The following INSR variants were observed in gnomAD, a reference collection of about 807,000 sequenced individuals.
INSR encodes the protein insulin receptor, also known as IR.
Under a neutral mutation model 142.6 loss-of-function variants are expected in INSR, and 67 were observed. The ratio of observed to expected loss-of-function variants is 0.47; its 90% confidence interval spans 0.39 to 0.58. The LOEUF (loss-of-function observed/expected upper bound fraction) is 0.58. INSR is among the 20% of genes least tolerant of loss of function. The pLI is 0.00. For missense variants in INSR, 1,248 were observed against 1,833.2 expected (o/e 0.68, Z 5.83); for synonymous variants, 756 against 743.1 (o/e 1.02, Z -0.28).
At chr19:7,158,374 G>A (rs558954570) in intron 9 of INSR, among the ~76,000 whole-genome samples, 3 of 152,044 alleles carry the variant, frequency 2.0e-5, no homozygotes, top group Non-Finnish European at 2.9e-5. Flanking sequence ...GGTGGCGGGC[G>A]CCTGTAGTCC....
chr19:7,237,553 C>A (rs1005197252), intron 2 of INSR, among the ~76,000 whole-genome samples: 1 of 151,960 alleles, frequency 6.6e-6, no homozygotes, highest in South Asian at 2.1e-4. Context: ...TGGTGGCTCA[C>A]GCCTGTAATC....
intron 9 of INSR, among the ~76,000 whole-genome samples, chr19:7,160,628 AAAG>A (rs1202130961): frequency 5.9e-5 from 9 of 151,958 alleles, no homozygotes; most frequent in Admixed American, 4.6e-4. Flanking sequence ...CCATCTTAAA[AAAG>A]AAGAAGAAAA....
intron 1 of INSR, among the ~76,000 whole-genome samples, chr19:7,282,065 T>C (rs12462446): frequency 0.33 from 50,589 of 151,950 alleles, 9,525 homozygotes; most frequent in Non-Finnish European, 0.43. Context: ...AAAATATGTT[T>C]CTAAAACCCC....
At chr19:7,254,042 AAAAAG>A (rs1187267965) in intron 2 of INSR, among the ~76,000 whole-genome samples, 1 of 151,002 alleles carries the variant, frequency 6.6e-6, no homozygotes, top group Non-Finnish European at 1.5e-5. Context: ...AAAAAAAAGA[AAAAAG>A]AAAAGAAAAG....
chr19:7,239,487 T>A (rs1182888297), intron 2 of INSR, among the ~76,000 whole-genome samples: 1 of 152,146 alleles, frequency 6.6e-6, no homozygotes, highest in Non-Finnish European at 1.5e-5. Context: ...ACATATACCT[T>A]AATGCATCAC....
At chr19:7,183,440 C>T (rs563722201) in intron 3 of INSR, among the ~76,000 whole-genome samples, 2 of 152,128 alleles carry the variant, frequency 1.3e-5, no homozygotes, top group African/African-American at 4.8e-5. Flanking sequence ...CTGACTCTGT[C>T]GAAGAGAGAA....
chr19:7,268,742 G>T, intron 1 of INSR: 1 of 324,784 alleles, frequency 3.1e-6, no homozygotes, highest in Non-Finnish European at 4.4e-6. Flanking sequence ...GTTTGTTGTT[G>T]TTGTTCTTCT....
At chr19:7,244,829 TGCTGGCAGC>T (rs1253664756) in intron 2 of INSR, among the ~76,000 whole-genome samples, 1 of 152,074 alleles carries the variant, frequency 6.6e-6, no homozygotes, top group Non-Finnish European at 1.5e-5. Context: ...ATTAAAGGAG[TGCTGGCAGC>T]GAGCTGCACT....
chr19:7,198,053 G>C (rs2145035355), intron 2 of INSR, among the ~76,000 whole-genome samples: 1 of 151,744 alleles, frequency 6.6e-6, no homozygotes, highest in East Asian at 2.0e-4. Context: ...GTGTGTCTGC[G>C]TGTGTGCCCG....
chr19:7,169,082 C>G (rs1312984230), intron 6 of INSR, among the ~76,000 whole-genome samples: 2 of 152,222 alleles, frequency 1.3e-5, no homozygotes, highest in Admixed American at 1.3e-4. Flanking sequence ...GGACAGCCCC[C>G]ACCTATGACT....
chr19:7,250,522 A>C (rs1031738792), intron 2 of INSR, among the ~76,000 whole-genome samples: 10 of 139,454 alleles, frequency 7.2e-5, no homozygotes, highest in Non-Finnish European at 1.6e-5. Context: ...AAAGGGAGGA[A>C]GGGAGAGGGA....
chr19:7,222,334 CAGAT>C (rs148744764), intron 2 of INSR, among the ~76,000 whole-genome samples: 2,683 of 152,172 alleles, frequency 0.018, 75 homozygotes, highest in African/African-American at 0.06. Context: ...TTTCCTTACT[CAGAT>C]AGAGGTCTGA....
At position 7,225,678 on chromosome 19, in the gene INSR, G is replaced by A. The variant is rs527641553; in HGVS notation, c.653-41041C>T. On this transcript the variant is annotated intron_variant, in intron 2 of 21. Coordinates refer to ENST00000302850, the MANE Select transcript of INSR (RefSeq NM_000208.4). The surrounding 1 kb of genome is among the most constrained non-coding windows in gnomAD (Gnocchi z 4.7). The stretch of plus-strand genomic sequence containing the variant: ...CAAACCACAGAGCCACGAGGCTGAT[G>A]ATGGGCTCTTGGTTTCCATTTCCCC... Among the ~76,000 whole-genome samples, 1 of 145,816 alleles carries A rather than the reference G, an allele frequency of 6.9e-6. No individual in the cohort carries two copies. Among genetic ancestry groups the A allele is most frequent in the African/African-American group, 2.6e-5 (1 of 38,638 alleles).
intron 3 of INSR, among the ~76,000 whole-genome samples, chr19:7,179,241 T>C (rs911850845): frequency 1.3e-5 from 2 of 152,228 alleles, no homozygotes; most frequent in Admixed American, 6.5e-5. Flanking sequence ...GAGTTCCTTC[T>C]AGTAAATTAT....
intron 2 of INSR, among the ~76,000 whole-genome samples, chr19:7,210,460 A>G (rs1207900818): frequency 6.6e-6 from 1 of 152,054 alleles, no homozygotes; most frequent in Non-Finnish European, 1.5e-5. Flanking sequence ...CTAAGAGCTG[A>G]GAAAATATGG....
In INSR at chr19:7,115,200, G is replaced by A. The variant is rs928089423; in HGVS notation, c.*1856C>T. On this transcript the variant is annotated 3_prime_UTR_variant, in exon 22 of 22. Transcript: ENST00000302850. The stretch of plus-strand genomic sequence containing the variant: ...AAGAAAAGGAAGCAGTCAAAAAGTT[G>A]TAAGAAAATGCACTCAGGAATAACG... The A allele has an allele frequency of 7.2e-5, 11 of 152,252 alleles. No individual in the cohort carries two copies. Among genetic ancestry groups the A allele is most frequent in the African/African-American group, 2.7e-4 (11 of 41,470 alleles). 9.4% of individuals were successfully genotyped at this position (152,252 alleles called of 1,614,324 possible).
chr19:7,207,038 T>C (rs1192214902), intron 2 of INSR, among the ~76,000 whole-genome samples: 1 of 152,126 alleles, frequency 6.6e-6, no homozygotes, highest in Non-Finnish European at 1.5e-5. Context: ...ATTGGGAGCA[T>C]TACTCTCTGA....
chr19:7,242,734 CAAAA>C (rs71177186), intron 2 of INSR, among the ~76,000 whole-genome samples: 1 of 92,152 alleles, frequency 1.1e-5, no homozygotes, highest in Non-Finnish European at 1.9e-5. Flanking sequence ...GAGACTGCCT[CAAAA>C]AAAAAAAAAA....
chr19:7,231,592 C>T (rs1208260421), intron 2 of INSR, among the ~76,000 whole-genome samples: 4 of 152,062 alleles, frequency 2.6e-5, no homozygotes, highest in Non-Finnish European at 5.9e-5. Context: ...TGAGCCACGG[C>T]ACCCGGCCCT....
Sources: allele counts gnomAD v4.1 joint callset (sites outside exome capture counted in the v4.1 genomes callset), GRCh38; gene constraint gnomAD v4.1.1; non-coding constraint Gnocchi (gnomAD v3.1); transcripts MANE v1.5; gene names NCBI Gene and HGNC (gene_info 2026-07-23, HGNC 2026-07-21).